The following CEP170 variants were observed in gnomAD, a reference collection of about 807,000 sequenced individuals.
The protein encoded by CEP170 is centrosomal protein 170.
In CEP170, 21 loss-of-function variants were observed where a neutral mutation model predicts 151.9. The ratio of observed to expected loss-of-function variants is 0.14; its 90% CI spans 0.10 to 0.20. CEP170 has a LOEUF of 0.20. Ranked by LOEUF, CEP170 falls within the 10% of genes least tolerant of loss-of-function variation. The probability of loss-of-function intolerance (pLI) is 1.00; values close to 1 mark genes in which losing one functional copy is unlikely to be tolerated. For synonymous variants in CEP170, 356 were observed against 648.8 expected (o/e 0.55, Z 6.86); for missense variants, 964 against 1,892.9 (o/e 0.51, Z 9.11).
intron 1 of CEP170, among the ~76,000 whole-genome samples, chr1:243,252,624 T>C (rs1450110629): frequency 1.3e-5 from 2 of 152,144 alleles, no homozygotes; most frequent in Admixed American, 1.3e-4. Flanking sequence ...TAAATTTCAC[T>C]ATTCTAATGT....
Position 243,165,556 on chromosome 1 carries a change from C to G in CEP170, c.2404G>C (p.Val802Leu). 1 of 1,613,818 alleles carries G rather than the reference C, an allele frequency of 6.2e-7. No homozygotes were observed. The highest frequency in any genetic ancestry group is 8.5e-7 in the Non-Finnish European group (1 of 1,179,850). Residue 802 changes from valine to leucine, a missense_variant, in exon 13 of 20, where the codon GTG (valine) becomes CTG (leucine). Transcript: ENST00000366542. ...SGHSTSKGDR[V>L]AQSESKRRKA... is the part of the protein sequence containing the mutation. Reference sequence around the variant, plus strand: ...CTTCTCTTGCTCTCACTTTGTGCCACTCTGTCTCCTTTGCTTGTAGAATGT... The same window carrying G: ...CTTCTCTTGCTCTCACTTTGTGCCAGTCTGTCTCCTTTGCTTGTAGAATGT...
chr1:243,240,848 A>G (rs2064765899), intron 1 of CEP170, among the ~76,000 whole-genome samples: 1 of 152,078 alleles, frequency 6.6e-6, no homozygotes. Context: ...GCCTGCCACC[A>G]TGCTTGGCTA....
chr1:243,174,710 A>T (rs2059111098), intron 10 of CEP170, among the ~76,000 whole-genome samples: 2 of 152,224 alleles, frequency 1.3e-5, no homozygotes, highest in Admixed American at 1.3e-4. Context: ...ATCAAATATG[A>T]ATTTTAATAC....
intron 7 of CEP170, among the ~76,000 whole-genome samples, chr1:243,196,908 G>C (rs1305578468): frequency 6.6e-6 from 1 of 152,094 alleles, no homozygotes; most frequent in African/African-American, 2.4e-5. Context: ...TGTGGGAAAA[G>C]AGCAGGCAGG....
In CEP170 at chr1:243,212,025, A is replaced by T. The variant is rs1488102644; in HGVS notation, c.196-61T>A. 1.1e-5 allele frequency: 14 copies of T among 1,321,128 alleles called. No homozygotes were observed. In the South Asian group the frequency reaches 1.3e-4, roughly 12 times the overall value. The allele number at this position is 1,321,128 out of a possible 1,614,324, so 81.8% of individuals were successfully genotyped here. ...TGAGGTATTAATTCTTACATTTCAGATAAGCAAATTCTCAAATCTGAGAGT... is the reference window on the plus strand; with the variant it reads ...TGAGGTATTAATTCTTACATTTCAGTTAAGCAAATTCTCAAATCTGAGAGT... On this transcript the variant is annotated intron_variant, in intron 3 of 19. Transcript: ENST00000366542.
intron 4 of CEP170, chr1:243,211,128 T>A (rs973499710): frequency 2.6e-5 from 4 of 151,400 alleles, no homozygotes; most frequent in African/African-American, 9.7e-5. Flanking sequence ...AAAAACAACC[T>A]TCAGCATTAT....
At chr1:243,200,277 T>G (rs1558569793) in intron 6 of CEP170, among the ~76,000 whole-genome samples, 1 of 152,136 alleles carries the variant, frequency 6.6e-6, no homozygotes, top group African/African-American at 2.4e-5. Context: ...TACTGAAGGA[T>G]GACCATATTT....
At chr1:243,148,656 A>C (rs977969557) in intron 14 of CEP170, among the ~76,000 whole-genome samples, 1 of 152,218 alleles carries the variant, frequency 6.6e-6, no homozygotes, top group Non-Finnish European at 1.5e-5. Context: ...ACAGTACAAT[A>C]AAGAATAAGA....
intron 14 of CEP170, 77 bp downstream of exon 14, chr1:243,156,144 T>C (rs187789038): frequency 6.8e-7 from 1 of 1,477,042 alleles, no homozygotes; most frequent in Admixed American, 2.4e-5. Context: ...AAAAATCAAG[T>C]ACAAGCTAAA....
intron 14 of CEP170, among the ~76,000 whole-genome samples, chr1:243,155,793 C>T (rs1272970607): frequency 6.6e-6 from 1 of 152,064 alleles, no homozygotes; most frequent in Admixed American, 6.6e-5. Flanking sequence ...TGAAAATCTG[C>T]TTACCCTAAT....
At chr1:243,227,334 A>C (rs2063380961) in intron 1 of CEP170, among the ~76,000 whole-genome samples, 2 of 152,162 alleles carry the variant, frequency 1.3e-5, no homozygotes, top group South Asian at 4.1e-4. Flanking sequence ...CAAACACCCA[A>C]GTGTATATAA....
intron 3 of CEP170, among the ~76,000 whole-genome samples, chr1:243,220,318 T>C (rs1342409097): frequency 6.6e-6 from 1 of 152,232 alleles, no homozygotes; most frequent in East Asian, 1.9e-4. Context: ...AATGTAATGA[T>C]GGAGCATCAA....
In CEP170 at chr1:243,172,854, GA is replaced by G; in HGVS notation, c.1567-9del. The G allele has an allele frequency of 1.3e-6, 2 of 1,528,860 alleles. No homozygotes were observed. Among genetic ancestry groups the G allele is most frequent in the Non-Finnish European group, 1.8e-6 (2 of 1,141,072 alleles). The allele number at this position is 1,528,860 out of a possible 1,614,324, so 94.7% of individuals were successfully genotyped here. ...GTCATCTACTCCAAACACCTAGAGG[GA>G]AAAATTATTTTATAAATGAAAACGA... On this transcript the variant is annotated splice_polypyrimidine_tract_variant and intron_variant, in intron 10 of 19. Coordinates refer to ENST00000366542, the MANE Select transcript of CEP170 (RefSeq NM_014812.3).
chr1:243,226,881 C>A (rs1217738130), intron 1 of CEP170, among the ~76,000 whole-genome samples: 1 of 152,026 alleles, frequency 6.6e-6, no homozygotes, highest in Non-Finnish European at 1.5e-5. Context: ...CCCAGCTACT[C>A]GGGAGGGTGA....
intron 10 of CEP170, among the ~76,000 whole-genome samples, chr1:243,176,306 T>C (rs1422185486): frequency 1.3e-5 from 2 of 152,230 alleles, no homozygotes; most frequent in East Asian, 3.9e-4. Context: ...TTCTAATTCT[T>C]CCAGAGTAGG....
chr1:243,233,528 T>C (rs1214940042), intron 1 of CEP170, among the ~76,000 whole-genome samples: 2 of 151,900 alleles, frequency 1.3e-5, no homozygotes, highest in East Asian at 3.9e-4. Flanking sequence ...GGTCAGGAGA[T>C]CAAGACCATC....
At chr1:243,130,168 G>A (rs546112242) in intron 17 of CEP170, among the ~76,000 whole-genome samples, 1 of 152,210 alleles carries the variant, frequency 6.6e-6, no homozygotes, top group South Asian at 2.1e-4. Flanking sequence ...AATATATGCA[G>A]TATAGGAATA....
intron 7 of CEP170, among the ~76,000 whole-genome samples, chr1:243,193,766 C>T (rs1318474730): frequency 6.6e-6 from 1 of 151,614 alleles, no homozygotes; most frequent in Admixed American, 6.6e-5. Context: ...CATGCAAAGC[C>T]CAGACAAGAT....
chr1:243,148,317 T>A (rs2056728799), intron 14 of CEP170, among the ~76,000 whole-genome samples: 1 of 152,138 alleles, frequency 6.6e-6, no homozygotes, highest in Non-Finnish European at 1.5e-5. Flanking sequence ...ATGCCTGTAA[T>A]CCTAGCACTT....
Sources: allele counts gnomAD v4.1 joint callset (sites outside exome capture counted in the v4.1 genomes callset), GRCh38; gene constraint gnomAD v4.1.1; transcripts MANE v1.5; gene names NCBI Gene and HGNC (gene_info 2026-07-23, HGNC 2026-07-21).